SLIT1: variants seen among roughly 807,000 people sequenced by gnomAD.
SLIT1 encodes the protein slit guidance ligand 1, also known as slit homolog 1 protein.
A neutral mutation model predicts 186.1 loss-of-function variants in SLIT1; 66 were observed. The ratio of observed to expected loss-of-function variants is 0.35; its 90% CI spans 0.29 to 0.44. The LOEUF (loss-of-function observed/expected upper bound fraction) is 0.44, where lower values mean the gene tolerates loss of function less well. Ranked by LOEUF, SLIT1 falls within the 20% of genes least tolerant of loss-of-function variation. SLIT1 has a pLI of 1.00. For synonymous variants in SLIT1, 761 were observed against 833.8 expected (o/e 0.91, Z 1.50); for missense variants, 1,638 against 2,037.4 (o/e 0.80, Z 3.77).
At chr10:97,048,157 A>G (rs559823849) in intron 14 of SLIT1, among the ~76,000 whole-genome samples, 161 bp from the exon 15 acceptor site, 13 of 152,334 alleles carry the variant, frequency 8.5e-5, no homozygotes, top group Non-Finnish European at 1.5e-4. Flanking sequence ...CAGAGCACGC[A>G]TGTTCCTTGC....
At chr10:97,175,801 C>A (rs569990464) in intron 1 of SLIT1, among the ~76,000 whole-genome samples, 3 of 152,108 alleles carry the variant, frequency 2.0e-5, no homozygotes, top group Non-Finnish European at 4.4e-5. Context: ...GGAGGCCACC[C>A]GCCACTGACC....
At position 97,012,075 on chromosome 10, in the gene SLIT1, T is replaced by TAC. The variant is rs35171328; in HGVS notation, c.3204-947_3204-946dup. 9.1e-3 allele frequency among the ~76,000 whole-genome samples: 1,195 copies of TAC among 130,888 alleles called. 7 individuals carry two copies. The highest frequency in any genetic ancestry group is 0.012 in the South Asian group (45 of 3,726). The allele number at this position is 130,888 out of a possible 152,430, so 85.9% of individuals were successfully genotyped here. A position where few individuals can be genotyped will look rare whatever the true frequency, so the allele number is the denominator to read the frequency against. On this transcript the variant is annotated intron_variant, in intron 30 of 36. Coordinates refer to ENST00000266058, the MANE Select transcript of SLIT1 (RefSeq NM_003061.3). Reference sequence around the variant, plus strand: ...CTATAAGAAATACTTTCAAGCCCAGTACACACACACACACACACACACACA... The same window carrying TAC: ...CTATAAGAAATACTTTCAAGCCCAGTACACACACACACACACACACACACACA...
intron 18 of SLIT1, among the ~76,000 whole-genome samples, 172 bp downstream of exon 18, chr10:97,046,482 T>C (rs1441921902): frequency 6.6e-6 from 1 of 152,216 alleles, no homozygotes; most frequent in African/African-American, 2.4e-5. Flanking sequence ...GGTCTCACCA[T>C]AGAGTTGCCA....
intron 1 of SLIT1, among the ~76,000 whole-genome samples, chr10:97,168,808 C>A (rs141286984): frequency 6.6e-6 from 1 of 152,246 alleles, no homozygotes; most frequent in African/African-American, 2.4e-5. Flanking sequence ...TTCATGGCAA[C>A]TAAAGCAATT....
chr10:97,130,486 C>T (rs1564683043), intron 4 of SLIT1, among the ~76,000 whole-genome samples: 1 of 152,188 alleles, frequency 6.6e-6, no homozygotes, highest in Non-Finnish European at 1.5e-5. Context: ...CATTATGCCT[C>T]GTGAAATAAG....
rs1848592118 is a variant in SLIT1 at position 97,031,656 on chromosome 10, C to T, written c.2460G>A (p.Leu820=). The change falls in exon 24 of 37, where the codon CTG becomes CTA. Residue 820 remains leucine, a synonymous_variant. Coordinates refer to ENST00000266058, the MANE Select transcript of SLIT1 (RefSeq NM_003061.3). Reference sequence around the variant, plus strand: ...GGAAGGCCAAAGGCGGGATGCACTGCAGGGCATTGTAGCTGAGGATCCTGC... The same window carrying T: ...GGAAGGCCAAAGGCGGGATGCACTGTAGGGCATTGTAGCTGAGGATCCTGC... ...LTTLILSYNA[L]QCIPPLAFQG... is the part of the protein sequence containing the mutation. 1.3e-6 allele frequency: 2 copies of T among 1,551,906 alleles called. No homozygotes were observed. The highest frequency in any genetic ancestry group is 1.2e-5 in the South Asian group (1 of 84,064).
chr10:97,069,518 A>C (rs1589381505), intron 4 of SLIT1, among the ~76,000 whole-genome samples: 1 of 152,246 alleles, frequency 6.6e-6, no homozygotes, highest in South Asian at 2.1e-4. Context: ...CAATGGCTGG[A>C]GGAGCAGTAC....
intron 4 of SLIT1, among the ~76,000 whole-genome samples, chr10:97,137,803 T>C (rs1849717271): frequency 6.6e-6 from 1 of 152,176 alleles, no homozygotes; most frequent in Admixed American, 6.5e-5. Flanking sequence ...CCAGGCTGGT[T>C]GCTTAATGTT....
chr10:97,131,764 G>A (rs990587598), intron 4 of SLIT1, among the ~76,000 whole-genome samples: 2 of 152,206 alleles, frequency 1.3e-5, no homozygotes, highest in African/African-American at 4.8e-5. Flanking sequence ...GATAATAACA[G>A]CCACAAACAT....
rs1469066662 is a variant in SLIT1, at chr10:97,009,467, T to C, written c.3341+1526A>G. Among the ~76,000 whole-genome samples, 3 of 152,200 alleles carry C rather than the reference T, an allele frequency of 2.0e-5. No individual in the cohort carries two copies. In the East Asian group the frequency reaches 5.8e-4, roughly 29 times the overall value. On this transcript the variant is annotated intron_variant, in intron 31 of 36. Transcript: ENST00000266058. ...AGAATGAAGTTGGGCCCTCTACCCA[T>C]ATATAAAAATTAACTCAAAATGGAT... is the stretch of plus-strand genomic sequence containing the variant.
chr10:97,076,160 C>T (rs920289296), intron 4 of SLIT1, among the ~76,000 whole-genome samples: 19 of 152,196 alleles, frequency 1.2e-4, no homozygotes, highest in Non-Finnish European at 1.8e-4. Flanking sequence ...CCTGAGGGCA[C>T]GGGTGAGGAG....
chr10:97,018,567 G>A lies in SLIT1; in HGVS notation c.2969+19C>T. ...GCCCATCAGCACTCACCAGGCTCCT[G>A]CCCCTCCAGGTAACTCACGTGAACG... is the stretch of plus-strand genomic sequence containing the variant. On this transcript the variant is annotated intron_variant, in intron 28 of 36. Coordinates refer to ENST00000266058, the MANE Select transcript of SLIT1 (RefSeq NM_003061.3). 4 of 1,508,636 alleles carry A rather than the reference G, an allele frequency of 2.7e-6. No homozygotes were observed. The highest frequency in any genetic ancestry group is 1.8e-6 in the Non-Finnish European group (2 of 1,105,618). 93.5% of individuals were successfully genotyped at this position (1,508,636 alleles called of 1,614,324 possible).
intron 4 of SLIT1, among the ~76,000 whole-genome samples, chr10:97,144,784 C>A (rs1344116561): frequency 1.3e-5 from 2 of 152,286 alleles, no homozygotes; most frequent in Middle Eastern, 3.4e-3. Flanking sequence ...CCAAGCAATG[C>A]GGCAGGACAG....
chr10:97,115,097 T>C (rs1286539836), intron 4 of SLIT1, among the ~76,000 whole-genome samples: 1 of 152,218 alleles, frequency 6.6e-6, no homozygotes, highest in Non-Finnish European at 1.5e-5. Context: ...GTCTTTCCCA[T>C]TGCGACATCA....
chr10:97,178,927 C>G (rs1850293578), intron 1 of SLIT1, among the ~76,000 whole-genome samples: 1 of 152,176 alleles, frequency 6.6e-6, no homozygotes, highest in Non-Finnish European at 1.5e-5. Context: ...TTAATCTCCT[C>G]TCCCAGAACT....
intron 4 of SLIT1, among the ~76,000 whole-genome samples, chr10:97,085,946 G>A (rs1849155079): frequency 1.3e-5 from 2 of 152,226 alleles, no homozygotes; most frequent in South Asian, 4.1e-4. Context: ...AAAAGCCAGA[G>A]CACTGACAAC....
chr10:97,111,189 C>CAA lies in SLIT1; in HGVS notation c.414-45105_414-45104dup, dbSNP rs560287549. The stretch of plus-strand genomic sequence containing the variant: ...TGGGTGTCAGAGCAAGACTCTGTCT[C>CAA]AAAAAAAAAAAGAAGAAAAGAAAAG... On this transcript the variant is annotated intron_variant, in intron 4 of 36. Coordinates refer to ENST00000266058, the MANE Select transcript of SLIT1 (RefSeq NM_003061.3). Among the ~76,000 whole-genome samples the CAA allele has an allele frequency of 7.9e-3, 1,020 of 129,724 alleles. 10 individuals carry two copies. Among genetic ancestry groups the CAA allele is most frequent in the African/African-American group, 0.027 (952 of 34,988 alleles). 85.1% of individuals were successfully genotyped at this position (129,724 alleles called of 152,430 possible).
At chr10:97,049,143 A>C (rs1007660029) in intron 13 of SLIT1, 25 bp from the exon 14 acceptor site, 32 of 1,606,434 alleles carry the variant, frequency 2.0e-5, no homozygotes, top group Non-Finnish European at 2.6e-5. Flanking sequence ...CAGATCAGCT[A>C]TGAGAAACAA....
At chr10:97,050,220 C>T (rs1457486445) in intron 13 of SLIT1, among the ~76,000 whole-genome samples, 1 of 152,232 alleles carries the variant, frequency 6.6e-6, no homozygotes, top group African/African-American at 2.4e-5. Flanking sequence ...CCTGCCATGG[C>T]CACTTTTCCT....
Sources: gnomAD v4.1 joint callset for allele counts (sites outside exome capture counted in the v4.1 genomes callset) on GRCh38, gnomAD v4.1.1 for gene constraint, MANE v1.5 for transcripts, NCBI Gene and HGNC (gene_info 2026-07-23, HGNC 2026-07-21) for gene names.